The following NRG3 variants were observed in gnomAD, a reference collection of about 807,000 sequenced individuals.
NRG3 encodes the protein pro-neuregulin-3, membrane-bound isoform.
A neutral mutation model predicts 66.9 loss-of-function variants in NRG3; 31 were observed. The observed-to-expected ratio is 0.46, with a 90% CI of 0.35 to 0.63. NRG3 has a LOEUF of 0.63. NRG3 is among the 20% of genes least tolerant of loss of function. NRG3 has a pLI of 0.00. For missense variants in NRG3, 910 were observed against 878.9 expected, an observed-to-expected ratio of 1.04 and a Z score of -0.45; for synonymous variants, 393 against 359.4, an observed-to-expected ratio of 1.09 and a Z score of -1.06.
intron 2 of NRG3, among the ~76,000 whole-genome samples, chr10:82,552,634 A>C (rs1049277390): frequency 1.3e-5 from 2 of 152,152 alleles, no homozygotes; most frequent in African/African-American, 4.8e-5. Flanking sequence ...ATAAAACTGC[A>C]ATAGAAGTCA....
chr10:82,162,298 A>G (rs972838813), intron 1 of NRG3, among the ~76,000 whole-genome samples: 8 of 152,146 alleles, frequency 5.3e-5, no homozygotes. Flanking sequence ...ATTTATACAT[A>G]AAAGTGTCAA....
chr10:82,380,297 CTT>C (rs2085529301), intron 2 of NRG3, among the ~76,000 whole-genome samples: 2 of 151,888 alleles, frequency 1.3e-5, no homozygotes, highest in Admixed American at 1.3e-4. Flanking sequence ...TGTAGTAAAA[CTT>C]TTAAAAATAC....
At chr10:82,849,202 G>A (rs2063449498) in intron 3 of NRG3, among the ~76,000 whole-genome samples, 1 of 152,176 alleles carries the variant, frequency 6.6e-6, no homozygotes, top group Non-Finnish European at 1.5e-5. Flanking sequence ...GATGAAGGGA[G>A]AGATTGGGGC....
rs540671769 is a variant in NRG3, at chr10:82,546,441, T to C, written c.953+187573T>C. 6.6e-5 allele frequency among the ~76,000 whole-genome samples: 10 copies of C among 152,294 alleles called. No individual in the cohort carries two copies. The South Asian group carries it at 2.1e-3, about 32-fold the overall frequency. Reference sequence around the variant, plus strand: ...AGCTGGCATCGTCATTAACAAGCTGTGTGATTTTGTACGTGTTACTTTACT... The same window carrying C: ...AGCTGGCATCGTCATTAACAAGCTGCGTGATTTTGTACGTGTTACTTTACT... On this transcript the variant is annotated intron_variant, in intron 2 of 8. Coordinates refer to ENST00000372141, the MANE Select transcript of NRG3 (RefSeq NM_001010848.4).
intron 3 of NRG3, among the ~76,000 whole-genome samples, chr10:82,766,115 C>T (rs532489134): frequency 1.3e-5 from 2 of 152,114 alleles, no homozygotes; most frequent in South Asian, 4.2e-4. Context: ...GCAAAATGCT[C>T]GTGAAGAATT....
intron 1 of NRG3, among the ~76,000 whole-genome samples, chr10:81,989,410 A>G (rs1166073763): frequency 6.6e-6 from 1 of 152,146 alleles, no homozygotes; most frequent in Non-Finnish European, 1.5e-5. Flanking sequence ...CTTAAAGTAC[A>G]TTGACATTAA....
At chr10:82,691,103 G>A (rs902619975) in intron 2 of NRG3, among the ~76,000 whole-genome samples, 9 of 151,822 alleles carry the variant, frequency 5.9e-5, no homozygotes, top group South Asian at 2.1e-4. Flanking sequence ...GAATCCCGAC[G>A]AACAAAAATT....
intron 1 of NRG3, among the ~76,000 whole-genome samples, chr10:82,084,634 C>T (rs1339210392): frequency 1.3e-5 from 2 of 151,862 alleles, no homozygotes; most frequent in South Asian, 2.1e-4. Context: ...GTATTCTTGT[C>T]ATTATAATTT....
At chr10:82,972,790 G>T (rs1397698109) in intron 6 of NRG3, among the ~76,000 whole-genome samples, 1 of 151,980 alleles carries the variant, frequency 6.6e-6, no homozygotes, top group Non-Finnish European at 1.5e-5. Context: ...TCACCATATA[G>T]ATGTGAGATT....
At chr10:82,910,429 T>G (rs1174354667) in intron 4 of NRG3, among the ~76,000 whole-genome samples, 1 of 152,234 alleles carries the variant, frequency 6.6e-6, no homozygotes, top group Non-Finnish European at 1.5e-5. Context: ...GCAGGCACGC[T>G]TAAGTGTAAA....
chr10:81,925,489 T>C (rs919960518), intron 1 of NRG3, among the ~76,000 whole-genome samples: 1 of 152,204 alleles, frequency 6.6e-6, no homozygotes, highest in African/African-American at 2.4e-5. Flanking sequence ...ATTATAATTA[T>C]CATACTCCAG....
intron 2 of NRG3, among the ~76,000 whole-genome samples, chr10:82,444,313 G>A (rs1326637626): frequency 2.6e-5 from 4 of 152,138 alleles, no homozygotes; most frequent in African/African-American, 9.7e-5. Context: ...ATGTTGACCA[G>A]GCTGGTCTTG....
intron 4 of NRG3, among the ~76,000 whole-genome samples, chr10:82,941,108 T>A (rs1848541927): frequency 6.6e-6 from 1 of 152,092 alleles, no homozygotes; most frequent in Non-Finnish European, 1.5e-5. Flanking sequence ...TGCACTTGGA[T>A]GGTGGGACTG....
At chr10:82,554,045 C>T (rs2044493706) in intron 2 of NRG3, among the ~76,000 whole-genome samples, 1 of 152,118 alleles carries the variant, frequency 6.6e-6, no homozygotes, top group Admixed American at 6.6e-5. Flanking sequence ...TATTACACGG[C>T]ATACTGTAAG....
chr10:82,091,343 C>T (rs1014002269), intron 1 of NRG3, among the ~76,000 whole-genome samples: 1 of 152,142 alleles, frequency 6.6e-6, no homozygotes, highest in Non-Finnish European at 1.5e-5. Flanking sequence ...CACCTGCAGC[C>T]ATGGTAACCT....
At chr10:82,060,061 A>G (rs1379039165) in intron 1 of NRG3, among the ~76,000 whole-genome samples, 1 of 152,170 alleles carries the variant, frequency 6.6e-6, no homozygotes, top group Admixed American at 6.5e-5. Context: ...GTTTGTTGTG[A>G]AGGATACAAT....
At chr10:81,877,604 TA>T in intron 1 of NRG3, 1 of 914,184 alleles carries the variant, frequency 1.1e-6, no homozygotes. Flanking sequence ...TATTTGTAAG[TA>T]AGGTCCAGGA....
chr10:82,018,944 T>G (rs2132719644), intron 1 of NRG3, among the ~76,000 whole-genome samples: 1 of 152,308 alleles, frequency 6.6e-6, no homozygotes, highest in Non-Finnish European at 1.5e-5. Context: ...TCCTGTCTTA[T>G]TGCCCTGGCC....
Position 82,467,002 on chromosome 10 carries a change from G to A in NRG3, c.953+108134G>A, listed in dbSNP as rs181720710. On this transcript the variant is annotated intron_variant, in intron 2 of 8. Coordinates refer to ENST00000372141, the MANE Select transcript of NRG3 (RefSeq NM_001010848.4). ...GGGATCCACAAAGAGCTTCAAGGAT[G>A]TGCAAGCTGGTAATTCCACAGACTG... Among the ~76,000 whole-genome samples the A allele has an allele frequency of 1.2e-4, 19 of 152,078 alleles. No individual in the cohort carries two copies. The East Asian group carries it at 1.9e-3, about 16-fold the overall frequency.
Sources: gnomAD v4.1 joint callset for allele counts (sites outside exome capture counted in the v4.1 genomes callset) on GRCh38, gnomAD v4.1.1 for gene constraint, MANE v1.5 for transcripts, NCBI Gene and HGNC (gene_info 2026-07-23, HGNC 2026-07-21) for gene names.